CARMIL1: variants seen among roughly 807,000 people sequenced by gnomAD.
The protein encoded by CARMIL1 is F-actin-uncapping protein LRRC16A.
A neutral mutation model predicts 177.1 loss-of-function variants in CARMIL1; 90 were observed. That is an observed-to-expected ratio of 0.51 (90% CI 0.43 to 0.61). CARMIL1 has a LOEUF of 0.61. CARMIL1 is among the 20% of genes least tolerant of loss of function. The pLI is 0.00. For synonymous variants in CARMIL1, 577 were observed against 606.2 expected (o/e 0.95, Z 0.71); for missense variants, 1,380 against 1,667.0 (o/e 0.83, Z 3.00).
intron 31 of CARMIL1, among the ~76,000 whole-genome samples, chr6:25,584,655 A>G (rs1360073083): frequency 6.6e-6 from 1 of 152,056 alleles, no homozygotes; most frequent in Non-Finnish European, 1.5e-5. Flanking sequence ...CAAAGGGGGT[A>G]TGATCTAATG....
chr6:25,425,873 A>C (rs1796238265), intron 3 of CARMIL1, among the ~76,000 whole-genome samples: 1 of 152,210 alleles, frequency 6.6e-6, no homozygotes. Context: ...AATTAGGATA[A>C]GTATAGATTT....
At chr6:25,289,766 A>G (rs10946760) in intron 2 of CARMIL1, among the ~76,000 whole-genome samples, 204 of 152,306 alleles carry the variant, frequency 1.3e-3, no homozygotes, top group Non-Finnish European at 1.7e-3. Flanking sequence ...AGTTGTATCA[A>G]TTTAGCTAAG....
chr6:25,583,542 A>C (rs1813332441), intron 31 of CARMIL1, among the ~76,000 whole-genome samples: 1 of 152,220 alleles, frequency 6.6e-6, no homozygotes, highest in Admixed American at 6.5e-5. Context: ...AAGTAGGTGG[A>C]TAGCTGGAGA....
chr6:25,408,321 G>C (rs562376036), intron 2 of CARMIL1, among the ~76,000 whole-genome samples: 1 of 150,252 alleles, frequency 6.7e-6, no homozygotes, highest in East Asian at 2.0e-4. Flanking sequence ...AAAAGATTTC[G>C]GGCAGAGAGT....
chr6:25,329,373 T>C (rs1469391248), intron 2 of CARMIL1, among the ~76,000 whole-genome samples: 2 of 152,220 alleles, frequency 1.3e-5, no homozygotes, highest in African/African-American at 4.8e-5. Context: ...GTGTTTCTCA[T>C]TGGCCGTGAT....
intron 36 of CARMIL1, chr6:25,612,746 G>A: frequency 1.0e-6 from 1 of 985,228 alleles, no homozygotes; most frequent in Non-Finnish European, 1.2e-6. Context: ...GTAGTGCAAA[G>A]AGGAGATTAT....
At chr6:25,475,338 T>C (rs1801451901) in intron 11 of CARMIL1, among the ~76,000 whole-genome samples, 1 of 151,928 alleles carries the variant, frequency 6.6e-6, no homozygotes, top group African/African-American at 2.4e-5. Context: ...GAGGCAGAGC[T>C]TGCAGTGAGC....
intron 36 of CARMIL1, chr6:25,612,820 CTG>C (rs1816607761): frequency 1.0e-6 from 1 of 985,208 alleles, no homozygotes; most frequent in Non-Finnish European, 1.2e-6. Context: ...ATCTTCAAAA[CTG>C]TACTCCACCA....
At position 25,380,125 on chromosome 6, in the gene CARMIL1, G is replaced by A. The variant is rs1431831289; in HGVS notation, c.139-39989G>A. ...TGTCTTTGGGAGATTTTAATTGTGA[G>A]GATGTAAATAAAGCCATATGGACCA... On this transcript the variant is annotated intron_variant, in intron 2 of 36. Transcript: ENST00000329474. Among the ~76,000 whole-genome samples the A allele has an allele frequency of 3.3e-5, 5 of 152,226 alleles. No homozygotes were observed. The East Asian group carries it at 5.8e-4, about 18-fold the overall frequency.
In CARMIL1 at chr6:25,577,842, G is replaced by A. The variant is rs934281744; in HGVS notation, c.2743-3082G>A. ...TTTTGGATTCTCAGAAAATAGAGTTGTGGCCTTTTTGTTCACAGTGTCTGC... is the reference window on the plus strand; with the variant it reads ...TTTTGGATTCTCAGAAAATAGAGTTATGGCCTTTTTGTTCACAGTGTCTGC... On this transcript the variant is annotated intron_variant, in intron 29 of 36. Transcript: ENST00000329474. This position sits in a 1 kb window ranked among gnomAD's most constrained non-coding sequence, Gnocchi z 4.5. Among the ~76,000 whole-genome samples, 2 of 152,110 alleles carry A rather than the reference G, an allele frequency of 1.3e-5. No homozygotes were observed. Among genetic ancestry groups the A allele is most frequent in the Admixed American group, 6.5e-5 (1 of 15,276 alleles).
intron 2 of CARMIL1, among the ~76,000 whole-genome samples, chr6:25,395,246 A>G (rs1312980944): frequency 1.3e-5 from 2 of 152,226 alleles, no homozygotes; most frequent in Admixed American, 6.5e-5. Context: ...AAGGAGAAAC[A>G]TCCTGGAGAG....
chr6:25,589,638 C>T (rs770815311), intron 31 of CARMIL1, among the ~76,000 whole-genome samples: 3 of 152,150 alleles, frequency 2.0e-5, no homozygotes, highest in Non-Finnish European at 2.9e-5. Flanking sequence ...CAGGTGTGCA[C>T]CACCACACTC....
chr6:25,339,111 G>A, intron 2 of CARMIL1, among the ~76,000 whole-genome samples: 1 of 152,248 alleles, frequency 6.6e-6, no homozygotes, highest in Admixed American at 6.5e-5. Flanking sequence ...AACTCAAGGA[G>A]GTGAAAATCA....
chr6:25,476,659 T>A (rs774918490), intron 11 of CARMIL1, among the ~76,000 whole-genome samples: 4 of 152,216 alleles, frequency 2.6e-5, no homozygotes, highest in African/African-American at 4.8e-5. Context: ...AAACTTTTAG[T>A]AATTTTTGTT....
intron 2 of CARMIL1, among the ~76,000 whole-genome samples, chr6:25,374,711 C>T (rs73383451): frequency 0.015 from 2,306 of 152,186 alleles, 58 homozygotes; most frequent in African/African-American, 0.051. Context: ...GACTTAGGTG[C>T]ATGTATATCT....
At chr6:25,336,397 C>T (rs577887727) in intron 2 of CARMIL1, among the ~76,000 whole-genome samples, 45 of 152,320 alleles carry the variant, frequency 3.0e-4, no homozygotes, top group Middle Eastern at 3.4e-3. Flanking sequence ...CTGTACTCTA[C>T]TCACCTCCCC....
Position 25,554,204 on chromosome 6 carries a change from A to G in CARMIL1, c.2592+108A>G. ...TTTCTTTTCTGTATTTCACACTATTACAGCTTTATGGTTTGTGATCTTGGT... is the reference window on the plus strand; with the variant it reads ...TTTCTTTTCTGTATTTCACACTATTGCAGCTTTATGGTTTGTGATCTTGGT... On this transcript the variant is annotated intron_variant, in intron 28 of 36. Coordinates refer to ENST00000329474, the MANE Select transcript of CARMIL1 (RefSeq NM_017640.6). This position sits in a 1 kb window ranked among gnomAD's most constrained non-coding sequence, Gnocchi z 4.6. The G allele has an allele frequency of 2.5e-6, 2 of 791,082 alleles. No individual in the cohort carries two copies. The highest frequency in any genetic ancestry group is 4.3e-6 in the Non-Finnish European group (2 of 470,042). The allele number at this position is 791,082 out of a possible 1,614,324, so 49.0% of individuals were successfully genotyped here. A position where few individuals can be genotyped will look rare whatever the true frequency, so the allele number is the denominator to read the frequency against.
In CARMIL1 at chr6:25,284,808, TCAGAAAG is replaced by T; in HGVS notation, c.41-1_46del. 2 of 1,473,948 alleles carry T rather than the reference TCAGAAAG, an allele frequency of 1.4e-6. No individual in the cohort carries two copies. Among genetic ancestry groups the T allele is most frequent in the Admixed American group, 4.0e-5 (2 of 49,546 alleles). 91.3% of individuals were successfully genotyped at this position (1,473,948 alleles called of 1,614,324 possible). On this transcript the variant is annotated splice_acceptor_variant and splice_polypyrimidine_tract_variant and coding_sequence_variant and intron_variant, in exon 2 of 37. Transcript: ENST00000329474. LOFTEE classifies it high-confidence loss of function. ...TTAATAACATAATTCCTTTTTTTTT[TCAGAAAG>T]CATAAAGGATGTTATTGGCAGAAAG...
At chr6:25,565,617 C>G (rs751341884) in intron 29 of CARMIL1, among the ~76,000 whole-genome samples, 1 of 152,112 alleles carries the variant, frequency 6.6e-6, no homozygotes, top group Non-Finnish European at 1.5e-5. Flanking sequence ...GAGGCCGAGG[C>G]GGGCAGATCA....
Sources: allele counts gnomAD v4.1 joint callset (sites outside exome capture counted in the v4.1 genomes callset), GRCh38; gene constraint gnomAD v4.1.1; non-coding constraint Gnocchi (gnomAD v3.1); transcripts MANE v1.5; gene names NCBI Gene and HGNC (gene_info 2026-07-23, HGNC 2026-07-21).